The following MYO3B variants were observed in gnomAD, a reference collection of about 807,000 sequenced individuals.
The protein encoded by MYO3B is myosin IIIB, also known as myosin-IIIb.
In MYO3B, 156 loss-of-function variants were observed where a neutral mutation model predicts 174.6. The observed-to-expected ratio is 0.89, with a 90% CI of 0.78 to 1.02. MYO3B has a LOEUF of 1.02. Ranked by LOEUF, MYO3B falls within the 50% of genes least tolerant of loss-of-function variation. MYO3B has a pLI of 0.00. For synonymous variants in MYO3B, 563 were observed against 569.1 expected, an observed-to-expected ratio of 0.99 and a Z score of 0.15; for missense variants, 1,632 against 1,639.4, an observed-to-expected ratio of 1.00 and a Z score of 0.08.
In MYO3B at chr2:170,392,363, A is replaced by C. The variant is rs999656011; in HGVS notation, c.1677-18A>C. On this transcript the variant is annotated intron_variant, in intron 15 of 34. Coordinates refer to ENST00000408978, the MANE Select transcript of MYO3B (RefSeq NM_138995.5). ...AAGTCAGTGCTCATTCTGTTTGGTC[A>C]TGCTCCACTTCATTTAGGTACATAG... 2 of 1,547,694 alleles carry C rather than the reference A, an allele frequency of 1.3e-6. No homozygotes were observed. Among genetic ancestry groups the C allele is most frequent in the African/African-American group, 2.7e-5 (2 of 73,386 alleles).
intron 32 of MYO3B, among the ~76,000 whole-genome samples, chr2:170,622,208 A>G (rs968828609): frequency 6.6e-6 from 1 of 152,216 alleles, no homozygotes; most frequent in Non-Finnish European, 1.5e-5. Context: ...GTAATTTCCA[A>G]TGTTGCAGTG....
At chr2:170,414,621 C>T (rs1310463379) in intron 22 of MYO3B, among the ~76,000 whole-genome samples, 1 of 152,122 alleles carries the variant, frequency 6.6e-6, no homozygotes, top group African/African-American at 2.4e-5. Flanking sequence ...ATAAAAAGTC[C>T]TGCTGGGATT....
chr2:170,491,516 C>T (rs959838650), intron 25 of MYO3B, among the ~76,000 whole-genome samples: 7 of 152,166 alleles, frequency 4.6e-5, no homozygotes, highest in Non-Finnish European at 8.8e-5. Flanking sequence ...AGCTCCGCCT[C>T]CCAGGTTCAC....
At chr2:170,320,980 T>G (rs1399805286) in intron 7 of MYO3B, among the ~76,000 whole-genome samples, 1 of 152,172 alleles carries the variant, frequency 6.6e-6, no homozygotes, top group Non-Finnish European at 1.5e-5. Context: ...CCCAACTACT[T>G]GGGATGCTGA....
chr2:170,365,236 T>G (rs2094189964), intron 8 of MYO3B, among the ~76,000 whole-genome samples: 1 of 152,200 alleles, frequency 6.6e-6, no homozygotes, highest in South Asian at 2.1e-4. Flanking sequence ...TGCCAGGACT[T>G]GATCCCATTT....
At chr2:170,265,592 G>T (rs2093377449) in intron 7 of MYO3B, among the ~76,000 whole-genome samples, 1 of 152,168 alleles carries the variant, frequency 6.6e-6, no homozygotes, top group Non-Finnish European at 1.5e-5. Flanking sequence ...AGGTCAGAGG[G>T]ATATCAAAAC....
intron 32 of MYO3B, among the ~76,000 whole-genome samples, chr2:170,562,825 G>A (rs1401723853): frequency 6.6e-6 from 1 of 152,148 alleles, no homozygotes; most frequent in Non-Finnish European, 1.5e-5. Context: ...TAGCCATGAA[G>A]TGGTGCTTTG....
chr2:170,305,235 A>G (rs1224881493), intron 7 of MYO3B, among the ~76,000 whole-genome samples: 1 of 152,088 alleles, frequency 6.6e-6, no homozygotes, highest in Non-Finnish European at 1.5e-5. Context: ...ATCCTTTCCT[A>G]GTGATTTGGA....
At chr2:170,476,233 G>A (rs561967172) in intron 25 of MYO3B, among the ~76,000 whole-genome samples, 1 of 152,322 alleles carries the variant, frequency 6.6e-6, no homozygotes, top group South Asian at 2.1e-4. Context: ...GTCTAGGAGT[G>A]GGGTGTCTGC....
intron 32 of MYO3B, among the ~76,000 whole-genome samples, chr2:170,628,838 T>A (rs1696692636): frequency 1.3e-5 from 2 of 152,112 alleles, no homozygotes; most frequent in Non-Finnish European, 2.9e-5. Context: ...GTTTGGATAT[T>A]TTTACCAAAC....
Position 170,593,402 on chromosome 2 carries a change from C to T in MYO3B, c.3733+49414C>T, listed in dbSNP as rs150515878. Among the ~76,000 whole-genome samples, 179 of 152,242 alleles carry T rather than the reference C, an allele frequency of 1.2e-3. 1 individual carries two copies. Among genetic ancestry groups the T allele is most frequent in the African/African-American group, 4.1e-3 (170 of 41,540 alleles). On this transcript the variant is annotated intron_variant, in intron 32 of 34. Transcript: ENST00000408978. ...GCAGGCATGAGCCAGCATGCCTGGCCGCATCTCCATTTTATAAATAAGAAA... is the reference window on the plus strand; with the variant it reads ...GCAGGCATGAGCCAGCATGCCTGGCTGCATCTCCATTTTATAAATAAGAAA...
intron 7 of MYO3B, among the ~76,000 whole-genome samples, chr2:170,324,868 G>T (rs1317323200): frequency 6.6e-6 from 1 of 152,190 alleles, no homozygotes; most frequent in Non-Finnish European, 1.5e-5. Flanking sequence ...ACCCTGTGGT[G>T]CTCACCCTCC....
At chr2:170,298,400 G>C (rs2093641602) in intron 7 of MYO3B, among the ~76,000 whole-genome samples, 1 of 152,094 alleles carries the variant, frequency 6.6e-6, no homozygotes, top group Non-Finnish European at 1.5e-5. Flanking sequence ...TTTCAGGCTG[G>C]GTGCAGTGGC....
chr2:170,651,936 C>T (rs944641158), intron 33 of MYO3B, among the ~76,000 whole-genome samples, 172 bp from the exon 34 acceptor site: 3 of 149,038 alleles, frequency 2.0e-5, no homozygotes, highest in Non-Finnish European at 3.0e-5. Context: ...TTATCAAAGA[C>T]GAGCAAGATG....
chr2:170,532,159 T>G (rs1042650465), intron 30 of MYO3B, among the ~76,000 whole-genome samples: 1 of 152,224 alleles, frequency 6.6e-6, no homozygotes, highest in Non-Finnish European at 1.5e-5. Context: ...TTTTGTGGAT[T>G]TCTTGCCAAA....
chr2:170,392,562 T>A, intron 16 of MYO3B, 67 bp downstream of exon 16: 3 of 1,042,734 alleles, frequency 2.9e-6, no homozygotes, highest in Non-Finnish European at 4.0e-6. Flanking sequence ...AAAGATGTGG[T>A]ATTTCTCACT....
intron 32 of MYO3B, among the ~76,000 whole-genome samples, chr2:170,631,102 G>A (rs905000310): frequency 3.3e-5 from 5 of 152,082 alleles, no homozygotes; most frequent in Non-Finnish European, 5.9e-5. Context: ...AAACTTCTCC[G>A]AGCTAAAGGA....
chr2:170,587,951 C>G (rs1261110041), intron 32 of MYO3B, among the ~76,000 whole-genome samples: 1 of 152,164 alleles, frequency 6.6e-6, no homozygotes, highest in African/African-American at 2.4e-5. Flanking sequence ...GATGAAACCT[C>G]CCTATTCTAG....
intron 32 of MYO3B, among the ~76,000 whole-genome samples, chr2:170,605,187 T>C (rs150126714): frequency 1.6e-3 from 247 of 152,264 alleles, no homozygotes; most frequent in African/African-American, 4.7e-3. Flanking sequence ...TGACCCATGG[T>C]TTTCTTAAAC....
Sources: allele counts gnomAD v4.1 joint callset (sites outside exome capture counted in the v4.1 genomes callset), GRCh38; gene constraint gnomAD v4.1.1; transcripts MANE v1.5; gene names NCBI Gene and HGNC (gene_info 2026-07-23, HGNC 2026-07-21).